ALPK3: variants seen among roughly 807,000 people sequenced by gnomAD.
ALPK3 encodes the protein alpha kinase 3, also known as alpha-protein kinase 3.
In ALPK3, 102 loss-of-function variants were observed where a neutral mutation model predicts 140.0. The observed-to-expected ratio is 0.73, with a 90% CI of 0.62 to 0.86. ALPK3 has a LOEUF of 0.86. ALPK3 is among the 40% of genes least tolerant of loss of function. The pLI, the probability that ALPK3 is intolerant of heterozygous loss-of-function variation, is 0.00. For synonymous variants in ALPK3, 938 were observed against 898.5 expected (o/e 1.04, Z -0.79); for missense variants, 2,254 against 2,208.2 (o/e 1.02, Z -0.42).
At chr15:84,824,715 C>G (rs1963466448) in intron 2 of ALPK3, among the ~76,000 whole-genome samples, 1 of 152,170 alleles carries the variant, frequency 6.6e-6, no homozygotes, top group Admixed American at 6.5e-5. Context: ...CACTGAACAT[C>G]ATGAAAACCA....
intron 5 of ALPK3, among the ~76,000 whole-genome samples, chr15:84,855,245 C>G (rs1180419915): frequency 6.6e-6 from 1 of 152,198 alleles, no homozygotes; most frequent in African/African-American, 2.4e-5. Context: ...TGACCTTTGT[C>G]TACAGTAGCC....
chr15:84,832,345 C>G (rs984272087), intron 3 of ALPK3, among the ~76,000 whole-genome samples: 5 of 152,134 alleles, frequency 3.3e-5, no homozygotes, highest in African/African-American at 9.7e-5. Flanking sequence ...TTTTGTTGCT[C>G]CTATTACTCT....
chr15:84,857,009 A>T lies in ALPK3; in HGVS notation c.2271A>T (p.Val757=). The T allele has an allele frequency of 6.2e-7, 1 of 1,614,152 alleles. No individual in the cohort carries two copies. Among genetic ancestry groups the T allele is most frequent in the Non-Finnish European group, 8.5e-7 (1 of 1,180,034 alleles). Residue 757 remains valine (V), a synonymous_variant, in exon 6 of 14, where the codon GTA becomes GTT. Transcript: ENST00000258888. The stretch of plus-strand genomic sequence containing the variant: ...CTCCTCTGAATATTGAATGTTTTGT[A>T]CAGACCCCAGAAGGGTCTTGTTTCC... ...PRAPLNIECF[V]QTPEGSCFPK...
Position 84,868,653 on chromosome 15 carries a change from C to A in ALPK3, c.*197C>A. 1.6e-6 allele frequency: 1 copy of A among 625,378 alleles called. No individual in the cohort carries two copies. Among genetic ancestry groups the A allele is most frequent in the Non-Finnish European group, 2.7e-6 (1 of 364,814 alleles). 38.7% of individuals were successfully genotyped at this position (625,378 alleles called of 1,614,324 possible). A position where few individuals can be genotyped will look rare whatever the true frequency, so the allele number is the denominator to read the frequency against. On this transcript the variant is annotated 3_prime_UTR_variant, in exon 14 of 14. Coordinates refer to ENST00000258888, the MANE Select transcript of ALPK3 (RefSeq NM_020778.5). ...TGGTGCATGGCACATAGCCCACTGG[C>A]CTCTTCTGGTGCCACTGTCACCCAG...
chr15:84,840,584 G>T lies in ALPK3; in HGVS notation c.1305G>T (p.Gln435His). 1 of 1,572,374 alleles carries T rather than the reference G, an allele frequency of 6.4e-7. No individual in the cohort carries two copies. Residue 435 changes from glutamine to histidine, a missense_variant, in exon 5 of 14, where the codon CAG becomes CAT. Physicochemically the swap from Gln to His is conservative, Grantham distance 24. This residue lies in a region of ALPK3 where 2,088 missense variants were observed against 2,022.9 expected (regional missense o/e 1.03). Transcript: ENST00000258888. ...AVRPLGEEGP[Q>H]TLSVRAPGES... ...GGCCTCTTGGGGAAGAGGGACCCCA[G>T]ACCCTGAGTGTCCGGGCGCCTGGGG...
At chr15:84,860,185 T>C (rs190188522) in intron 9 of ALPK3, 113 bp downstream of exon 9, 2 of 1,328,224 alleles carry the variant, frequency 1.5e-6, no homozygotes, top group African/African-American at 2.9e-5. Context: ...CCTCTTTGCC[T>C]CTTAGTTTAG....
At chr15:84,849,644 G>GA (rs1262765366) in intron 5 of ALPK3, among the ~76,000 whole-genome samples, 1 of 152,018 alleles carries the variant, frequency 6.6e-6, no homozygotes, top group African/African-American at 2.4e-5. Flanking sequence ...TTAAATTAAA[G>GA]AACATACTTT....
At chr15:84,843,846 G>T (rs919270978) in intron 5 of ALPK3, among the ~76,000 whole-genome samples, 8 of 151,944 alleles carry the variant, frequency 5.3e-5, no homozygotes, top group Non-Finnish European at 1.0e-4. Flanking sequence ...TGTAATCGCA[G>T]TACTTTAGGA....
At chr15:84,860,172 G>C in intron 9 of ALPK3, 100 bp downstream of exon 9, 1 of 1,385,878 alleles carries the variant, frequency 7.2e-7, no homozygotes, top group Non-Finnish European at 1.0e-6. Context: ...TCCACATACT[G>C]CTCCTCTTTG....
rs754751518 is a variant in ALPK3 at position 84,856,808 on chromosome 15, G to A, written c.2070G>A (p.Lys690=). Residue 690 remains lysine (K), a synonymous_variant, in exon 6 of 14, where the codon AAG becomes AAA. Transcript: ENST00000258888. ...IQEDRKAQAD[K]GTQEDRRMQG... is the part of the protein sequence containing the mutation. ...AAGACAGGAAGGCCCAGGCAGATAA[G>A]GGCACACAGGAAGACAGAAGGATGC... is the stretch of plus-strand genomic sequence containing the variant. The A allele has an allele frequency of 1.9e-6, 3 of 1,614,042 alleles. No individual in the cohort carries two copies. The highest frequency in any genetic ancestry group is 2.5e-6 in the Non-Finnish European group (3 of 1,179,994).
In ALPK3 at chr15:84,840,279, A is replaced by G. The variant is rs1273788350; in HGVS notation, c.1000A>G (p.Lys334Glu). Residue 334 changes from lysine (K) to glutamate (E), a missense_variant, in exon 5 of 14, where the codon AAG becomes GAG. By Grantham distance (56) the Lys-to-Glu change is moderately conservative. Around this residue, in one of 3 missense-constraint regions of ALPK3, gnomAD observed 2,088 missense variants for 2,022.9 expected, o/e 1.03. Coordinates refer to ENST00000258888, the MANE Select transcript of ALPK3 (RefSeq NM_020778.5). ...KQGLRKPELEKAAQSRRSSEN... is the reference protein window; with the variant it reads ...KQGLRKPELEEAAQSRRSSEN... The stretch of plus-strand genomic sequence containing the variant: ...AGGCCTGCGGAAGCCAGAGTTAGAG[A>G]AGGCAGCCCAAAGCCGCCGTTCTTC... 1.9e-5 allele frequency: 31 copies of G among 1,613,914 alleles called. No homozygotes were observed. The highest frequency in any genetic ancestry group is 2.5e-5 in the Non-Finnish European group (30 of 1,180,010).
chr15:84,855,228 C>G (rs28528779), intron 5 of ALPK3, among the ~76,000 whole-genome samples: 1 of 152,182 alleles, frequency 6.6e-6, no homozygotes, highest in South Asian at 2.1e-4. Context: ...GGTTTATAAC[C>G]TTGGGGTGAC....
rs116418403 is a variant in ALPK3, at chr15:84,856,943, A to G, written c.2205A>G (p.Pro735=). 75 of 1,614,102 alleles carry G rather than the reference A, an allele frequency of 4.6e-5. No homozygotes were observed. In the African/African-American group the frequency reaches 8.7e-4, roughly 19 times the overall value. The change falls in exon 6 of 14, where the codon CCA becomes CCG. Residue 735 remains proline, a synonymous_variant. Transcript: ENST00000258888. ...AGGTGGCAACCAGCCTCGGCCCACC[A>G]TCCAGAACCCCCAAACTCCCACCTA... The part of the protein sequence containing the change: ...EQEVATSLGP[P]SRTPKLPPTA...
At chr15:84,852,979 G>A (rs1394196087) in intron 5 of ALPK3, among the ~76,000 whole-genome samples, 1 of 152,246 alleles carries the variant, frequency 6.6e-6, no homozygotes, top group Non-Finnish European at 1.5e-5. Flanking sequence ...TAGGCAGTTG[G>A]CAGTGGAGAT....
chr15:84,863,472 T>G (rs1963970915), intron 10 of ALPK3, 80 bp from the exon 11 acceptor site: 1 of 1,252,736 alleles, frequency 8.0e-7, no homozygotes, highest in Admixed American at 2.0e-5. Context: ...ACAGAATAGG[T>G]AGCCCACTCA....
At chr15:84,825,624 C>T (rs2141547562) in intron 2 of ALPK3, among the ~76,000 whole-genome samples, 1 of 152,272 alleles carries the variant, frequency 6.6e-6, no homozygotes, top group Non-Finnish European at 1.5e-5. Flanking sequence ...AATATTGGAT[C>T]CAGGCTCAAG....
rs1476373508 is a variant in ALPK3 at position 84,858,338 on chromosome 15, G to A, written c.3600G>A (p.Leu1200=). The A allele has an allele frequency of 2.6e-6, 4 of 1,558,004 alleles. No homozygotes were observed. The highest frequency in any genetic ancestry group is 3.5e-6 in the Non-Finnish European group (4 of 1,151,412). ...CCCCCCGGGGGCCCAGGAAAAGCCT[G>A]GTGCCTGGGTCCCCAGGGACTCCAG... ...TVSPRGPRKS[L]VPGSPGTPGR... Residue 1200 remains leucine (L), a synonymous_variant, in exon 6 of 14, where the codon CTG becomes CTA. Transcript: ENST00000258888.
At chr15:84,824,007 C>A (rs552882789) in intron 2 of ALPK3, among the ~76,000 whole-genome samples, 19 of 152,234 alleles carry the variant, frequency 1.2e-4, no homozygotes, top group Non-Finnish European at 2.5e-4. Flanking sequence ...CTGTGCCTGG[C>A]CCCAATTCTA....
At chr15:84,838,168 C>A (rs950340257) in intron 3 of ALPK3, among the ~76,000 whole-genome samples, 1 of 152,100 alleles carries the variant, frequency 6.6e-6, no homozygotes, top group African/African-American at 2.4e-5. Context: ...AATGAATGAA[C>A]GGGTGGACAG....
Sources: gnomAD v4.1 joint callset for allele counts (sites outside exome capture counted in the v4.1 genomes callset) on GRCh38, gnomAD v4.1.1 for gene constraint, gnomAD v4.1.1 regional missense constraint, MANE v1.5 for transcripts, NCBI Gene and HGNC (gene_info 2026-07-23, HGNC 2026-07-21) for gene names.